MRTFB: variants seen among roughly 807,000 people sequenced by gnomAD.
The protein encoded by MRTFB is myocardin related transcription factor B.
MRTFB carries 29 observed loss-of-function variants against 104.2 expected under a neutral mutation model. That is an observed-to-expected ratio of 0.28 (90% confidence interval 0.21 to 0.38). The LOEUF (loss-of-function observed/expected upper bound fraction) is 0.38. Ranked by LOEUF, MRTFB falls within the 10% of genes least tolerant of loss-of-function variation. The probability of loss-of-function intolerance (pLI) is 1.00; values close to 1 mark genes in which losing one functional copy is unlikely to be tolerated. For missense variants in MRTFB, 1,270 were observed against 1,341.6 expected (o/e 0.95, Z 0.83); for synonymous variants, 535 against 519.5 (o/e 1.03, Z -0.41).
chr16:14,235,783 G>T (rs1045608122), intron 9 of MRTFB, among the ~76,000 whole-genome samples: 2 of 152,088 alleles, frequency 1.3e-5, no homozygotes, highest in Non-Finnish European at 2.9e-5. Context: ...ACAGTGGCTG[G>T]GACAATTATT....
At chr16:14,053,620 A>G in the MRTFB span, among the ~76,000 whole-genome samples, 1 of 151,630 alleles carries the variant, frequency 6.6e-6, no homozygotes, top group African/African-American at 2.4e-5. Context: ...AATCCCAGCT[A>G]CTCAGGAGGC....
At chr16:14,094,945 C>T (rs935767034) in intron 2 of MRTFB, among the ~76,000 whole-genome samples, 3 of 152,192 alleles carry the variant, frequency 2.0e-5, no homozygotes, top group African/African-American at 7.2e-5. Context: ...ATGATAAACA[C>T]TGACATTTCC....
intron 2 of MRTFB, among the ~76,000 whole-genome samples, chr16:14,081,629 G>T (rs140515701): frequency 1.3e-5 from 2 of 151,666 alleles, no homozygotes; most frequent in Non-Finnish European, 2.9e-5. Flanking sequence ...TACCAGGCTA[G>T]AGTGCAGTGG....
chr16:14,028,484 T>C, the MRTFB span, among the ~76,000 whole-genome samples: 4 of 152,304 alleles, frequency 2.6e-5, no homozygotes. Flanking sequence ...GTGCTAGGAC[T>C]GGGAAGGGAC....
Position 14,240,494 on chromosome 16 carries a change from G to C in MRTFB, c.1079+10G>C. On this transcript the variant is annotated intron_variant, in intron 10 of 16. Coordinates refer to ENST00000571589, the MANE Select transcript of MRTFB (RefSeq NM_001308142.2). ...TGCCTGCACCATTCAAGTACGGCGGGGCCCATGCTATCCTCAACGCGGGGT... is the reference window on the plus strand; with the variant it reads ...TGCCTGCACCATTCAAGTACGGCGGCGCCCATGCTATCCTCAACGCGGGGT... 1 of 1,614,160 alleles carries C rather than the reference G, an allele frequency of 6.2e-7. No homozygotes were observed.
rs892489012 is a variant in MRTFB, at chr16:14,184,905, C to T, written c.155-25338C>T. Among the ~76,000 whole-genome samples, 16 of 152,168 alleles carry T rather than the reference C, an allele frequency of 1.1e-4. 1 individual carries two copies. The highest frequency in any genetic ancestry group is 9.8e-4 in the Admixed American group (15 of 15,290). ...AGAAGCTTTGTGACTTGAGTCTTGG[C>T]GTGTAAAATGTCTATAGCATACACA... On this transcript the variant is annotated intron_variant, in intron 3 of 16. Coordinates refer to ENST00000571589, the MANE Select transcript of MRTFB (RefSeq NM_001308142.2).
At chr16:14,260,589 C>T (rs189632744) in intron 16 of MRTFB, among the ~76,000 whole-genome samples, 98 of 152,228 alleles carry the variant, frequency 6.4e-4, no homozygotes, top group Non-Finnish European at 1.2e-3. Flanking sequence ...TGAGATATAA[C>T]TGCTTTTAAT....
upstream of MRTFB, among the ~76,000 whole-genome samples, chr16:14,069,635 C>T (rs956247970): frequency 6.6e-6 from 1 of 152,158 alleles, no homozygotes; most frequent in Admixed American, 6.5e-5. Flanking sequence ...CAGGCATGTG[C>T]CACCATGCCC....
the MRTFB span, among the ~76,000 whole-genome samples, chr16:14,052,589 A>G: frequency 6.6e-6 from 1 of 152,126 alleles, no homozygotes; most frequent in Non-Finnish European, 1.5e-5. Flanking sequence ...AATACAAAAA[A>G]TTAGCCAGGA....
chr16:14,006,405 A>G, the MRTFB span, among the ~76,000 whole-genome samples: 1 of 150,938 alleles, frequency 6.6e-6, no homozygotes, highest in Non-Finnish European at 1.5e-5. Flanking sequence ...AATCATGGCT[A>G]CTCCGGAGGC....
At chr16:14,193,865 T>C (rs2040309275) in intron 3 of MRTFB, 1 of 152,200 alleles carries the variant, frequency 6.6e-6, no homozygotes, top group Non-Finnish European at 1.5e-5. Flanking sequence ...TTTCATCATA[T>C]CAGTCTCACC....
At chr16:14,197,609 T>C (rs1286667160) in intron 3 of MRTFB, among the ~76,000 whole-genome samples, 1 of 152,244 alleles carries the variant, frequency 6.6e-6, no homozygotes, top group African/African-American at 2.4e-5. Flanking sequence ...TTATATGCTC[T>C]AAGTATACCA....
chr16:14,225,194 AAAAAG>A (rs1455927495), intron 8 of MRTFB, among the ~76,000 whole-genome samples: 1 of 152,204 alleles, frequency 6.6e-6, no homozygotes, highest in African/African-American at 2.4e-5. Context: ...TCTAAAAAGA[AAAAAG>A]AAAAAGATAA....
chr16:14,073,122 T>C (rs183683763), intron 1 of MRTFB, among the ~76,000 whole-genome samples: 10 of 152,356 alleles, frequency 6.6e-5, no homozygotes, highest in Admixed American at 6.5e-4. Flanking sequence ...CTTGCTACTT[T>C]CTCCTACATT....
Position 14,153,298 on chromosome 16 carries a change from A to T in MRTFB, c.154+12538A>T, listed in dbSNP as rs146285702. 203 of 152,312 alleles carry T rather than the reference A, an allele frequency of 1.3e-3. 1 individual carries two copies. The highest frequency in any genetic ancestry group is 4.4e-3 in the African/African-American group (184 of 41,558). 9.4% of individuals were successfully genotyped at this position (152,312 alleles called of 1,614,324 possible). On this transcript the variant is annotated intron_variant, in intron 3 of 16. Coordinates refer to ENST00000571589, the MANE Select transcript of MRTFB (RefSeq NM_001308142.2). ...TAACAGTGATATTTAACTAGTCATGATCTTAATATGAAAAAGTATTGCTTT... is the reference window on the plus strand; with the variant it reads ...TAACAGTGATATTTAACTAGTCATGTTCTTAATATGAAAAAGTATTGCTTT...
At chr16:14,225,093 G>A (rs1363002846) in intron 8 of MRTFB, among the ~76,000 whole-genome samples, 1 of 152,154 alleles carries the variant, frequency 6.6e-6, no homozygotes, top group Non-Finnish European at 1.5e-5. Context: ...GGCTGAGGTA[G>A]GAGCATCGCT....
At chr16:14,169,591 C>A (rs569845930) in intron 3 of MRTFB, among the ~76,000 whole-genome samples, 25 of 152,244 alleles carry the variant, frequency 1.6e-4, no homozygotes, top group African/African-American at 5.8e-4. Flanking sequence ...AATTATCTCT[C>A]TATGAGCAAA....
At chr16:14,237,872 T>C (rs368649975) in intron 9 of MRTFB, among the ~76,000 whole-genome samples, 1 of 152,086 alleles carries the variant, frequency 6.6e-6, no homozygotes, top group Non-Finnish European at 1.5e-5. Flanking sequence ...GAAGAAAAGA[T>C]AGACAGTATT....
chr16:14,233,680 C>T (rs1488021295), intron 8 of MRTFB, among the ~76,000 whole-genome samples: 1 of 149,182 alleles, frequency 6.7e-6, no homozygotes, highest in East Asian at 2.0e-4. Flanking sequence ...GTTCCAGATA[C>T]TTGGGAGGCC....
Sources: gnomAD v4.1 joint callset for allele counts (sites outside exome capture counted in the v4.1 genomes callset) on GRCh38, gnomAD v4.1.1 for gene constraint, MANE v1.5 for transcripts, NCBI Gene and HGNC (gene_info 2026-07-23, HGNC 2026-07-21) for gene names.